THSD7B: variants seen among roughly 807,000 people sequenced by gnomAD.
THSD7B encodes thrombospondin type-1 domain-containing protein 7B.
THSD7B carries 138 observed loss-of-function variants against 213.6 expected under a neutral mutation model. That is an observed-to-expected ratio of 0.65 (90% CI 0.56 to 0.74). THSD7B has a LOEUF of 0.74. THSD7B is among the 30% of genes least tolerant of loss of function. THSD7B has a pLI of 0.00. For missense variants in THSD7B, 1,931 were observed against 1,991.5 expected (o/e 0.97, Z 0.58); for synonymous variants, 742 against 687.0 (o/e 1.08, Z -1.25).
chr2:137,574,044 A>G (rs1300523717), intron 17 of THSD7B, among the ~76,000 whole-genome samples: 1 of 152,124 alleles, frequency 6.6e-6, no homozygotes, highest in African/African-American at 2.4e-5. Context: ...TAATCAACCT[A>G]TAGAAGAATT....
intron 1 of THSD7B, among the ~76,000 whole-genome samples, chr2:136,847,367 T>A (rs1176889116): frequency 6.6e-6 from 1 of 152,214 alleles, no homozygotes; most frequent in Non-Finnish European, 1.5e-5. Context: ...AAGCAGTTCT[T>A]AGAATCGGGA....
At chr2:137,343,207 G>A (rs1684802153) in intron 12 of THSD7B, among the ~76,000 whole-genome samples, 1 of 150,940 alleles carries the variant, frequency 6.6e-6, no homozygotes, top group Non-Finnish European at 1.5e-5. Flanking sequence ...TGCAAGGAAT[G>A]GTATTAGTTC....
intron 3 of THSD7B, among the ~76,000 whole-genome samples, chr2:137,094,637 T>G (rs1688005900): frequency 6.6e-6 from 1 of 152,010 alleles, no homozygotes; most frequent in South Asian, 2.1e-4. Flanking sequence ...AGTGGACCCA[T>G]CTTAGATGTG....
intron 14 of THSD7B, among the ~76,000 whole-genome samples, chr2:137,446,969 A>C (rs966876315): frequency 1.3e-5 from 2 of 152,132 alleles, no homozygotes; most frequent in African/African-American, 2.4e-5. Flanking sequence ...TATAAGTGTT[A>C]AGTGTGTGGT....
chr2:137,348,748 G>A (rs947521692), intron 12 of THSD7B, among the ~76,000 whole-genome samples: 3 of 146,524 alleles, frequency 2.0e-5, no homozygotes, highest in East Asian at 2.0e-4. Context: ...TTTACTAGGG[G>A]CATGGGAGTG....
chr2:136,938,128 C>T (rs149454687), intron 2 of THSD7B, among the ~76,000 whole-genome samples: 1 of 152,264 alleles, frequency 6.6e-6, no homozygotes, highest in African/African-American at 2.4e-5. Flanking sequence ...GCATCTTTAC[C>T]CACACCAAGA....
intron 15 of THSD7B, among the ~76,000 whole-genome samples, chr2:137,539,281 T>C (rs1251730395): frequency 1.4e-5 from 2 of 140,142 alleles, no homozygotes; most frequent in Admixed American, 1.6e-4. Flanking sequence ...ATAATTCAAA[T>C]TTTTTTTTCA....
chr2:137,669,671 G>A (rs1289310028), intron 27 of THSD7B, among the ~76,000 whole-genome samples: 1 of 152,082 alleles, frequency 6.6e-6, no homozygotes, highest in Non-Finnish European at 1.5e-5. Context: ...CCAACCCAGT[G>A]TAAGGTAATT....
chr2:137,266,691 T>C (rs1366217791), intron 10 of THSD7B, among the ~76,000 whole-genome samples: 3 of 152,200 alleles, frequency 2.0e-5, no homozygotes, highest in Non-Finnish European at 4.4e-5. Context: ...ATAACTGCCA[T>C]GCATTGCTGG....
At chr2:137,584,089 T>C (rs886486903) in intron 17 of THSD7B, among the ~76,000 whole-genome samples, 19 of 152,156 alleles carry the variant, frequency 1.2e-4, no homozygotes, top group Non-Finnish European at 2.6e-4. Flanking sequence ...TATTTCATTC[T>C]CTTTGAAGCA....
chr2:137,307,613 T>C (rs907963409), intron 12 of THSD7B, among the ~76,000 whole-genome samples: 1 of 152,072 alleles, frequency 6.6e-6, no homozygotes, highest in African/African-American at 2.4e-5. Context: ...GTTAAATGTG[T>C]CCCTAAAAAA....
intron 15 of THSD7B, among the ~76,000 whole-genome samples, chr2:137,476,803 G>C (rs896280104): frequency 3.3e-5 from 5 of 152,124 alleles, no homozygotes; most frequent in Admixed American, 6.5e-5. Context: ...ACCTCCCAAA[G>C]TGCTGGGATT....
intron 12 of THSD7B, among the ~76,000 whole-genome samples, chr2:137,281,309 C>G (rs988326484): frequency 1.3e-5 from 2 of 151,922 alleles, no homozygotes; most frequent in African/African-American, 2.4e-5. Flanking sequence ...AAAAATTGAG[C>G]AAAATAATTC....
chr2:136,976,032 A>G (rs1302855000), intron 2 of THSD7B, among the ~76,000 whole-genome samples: 1 of 152,108 alleles, frequency 6.6e-6, no homozygotes, highest in Non-Finnish European at 1.5e-5. Flanking sequence ...TAGCACCTTG[A>G]TTTTGTATCC....
chr2:136,844,028 C>G (rs62171215), intron 1 of THSD7B, among the ~76,000 whole-genome samples: 85,602 of 151,962 alleles, frequency 0.56, 25,326 homozygotes, highest in Non-Finnish European at 0.67. Flanking sequence ...AGGCCTCTCT[C>G]AGACTGAAAG....
At chr2:137,550,097 G>A (rs1436461528) in intron 15 of THSD7B, among the ~76,000 whole-genome samples, 2 of 152,046 alleles carry the variant, frequency 1.3e-5, no homozygotes, top group Non-Finnish European at 2.9e-5. Context: ...AGGCATTTTA[G>A]ACTCTGGAGT....
chr2:137,600,061 C>G (rs1450512207), intron 17 of THSD7B, among the ~76,000 whole-genome samples: 1 of 152,138 alleles, frequency 6.6e-6, no homozygotes, highest in East Asian at 1.9e-4. Flanking sequence ...TTCATCATCT[C>G]TCCCTTTTCT....
At chr2:136,941,056 C>T (rs957442738) in intron 2 of THSD7B, among the ~76,000 whole-genome samples, 10 of 151,886 alleles carry the variant, frequency 6.6e-5, no homozygotes, top group African/African-American at 1.5e-4. Context: ...CTCCCTGTGT[C>T]CAAGTGTTCT....
At chr2:137,403,534 T>C (rs1048099825) in intron 12 of THSD7B, among the ~76,000 whole-genome samples, 4 of 152,210 alleles carry the variant, frequency 2.6e-5, no homozygotes, top group Non-Finnish European at 5.9e-5. Context: ...CTATGATTTC[T>C]TTAGAATGAT....
Sources: gnomAD v4.1 joint callset for allele counts (sites outside exome capture counted in the v4.1 genomes callset) on GRCh38, gnomAD v4.1.1 for gene constraint, MANE v1.5 for transcripts, NCBI Gene and HGNC (gene_info 2026-07-23, HGNC 2026-07-21) for gene names.